The following YEATS2 variants were observed in gnomAD, a reference collection of about 807,000 sequenced individuals.
YEATS2 encodes YEATS domain-containing protein 2.
In YEATS2, 77 loss-of-function variants were observed where a neutral mutation model predicts 163.2. That is an observed-to-expected ratio of 0.47 (90% CI 0.39 to 0.57). YEATS2 has a LOEUF of 0.57. Among genes scored for constraint, YEATS2 ranks in the 20% least tolerant of loss-of-function variants. The pLI is 0.00. For synonymous variants in YEATS2, 631 were observed against 645.1 expected, an observed-to-expected ratio of 0.98 and a Z score of 0.33; for missense variants, 1,549 against 1,729.8, an observed-to-expected ratio of 0.90 and a Z score of 1.85.
chr3:183,718,920 C>T (rs1009303250), intron 4 of YEATS2, among the ~76,000 whole-genome samples: 3 of 152,040 alleles, frequency 2.0e-5, no homozygotes, highest in African/African-American at 7.2e-5. Context: ...TTCTTGAACT[C>T]CTGACCTCAG....
At chr3:183,777,454 G>A in intron 18 of YEATS2, 88 bp from the exon 19 acceptor site, 14 of 1,365,134 alleles carry the variant, frequency 1.0e-5, no homozygotes, top group Non-Finnish European at 1.4e-5. Context: ...TTGTAACATG[G>A]GACGTTACAT....
chr3:183,733,900 G>T (rs553012420), intron 7 of YEATS2, among the ~76,000 whole-genome samples: 2 of 152,056 alleles, frequency 1.3e-5, no homozygotes, highest in African/African-American at 2.4e-5. Context: ...GGCTCAGGGC[G>T]TGATAAAGGG....
At chr3:183,803,215 T>A (rs776804567) in intron 25 of YEATS2, 41 bp from the exon 26 acceptor site, 2 of 1,600,474 alleles carry the variant, frequency 1.2e-6, no homozygotes, top group South Asian at 2.2e-5. Flanking sequence ...GTTGGAATCG[T>A]AAGAGCTTTA....
Position 183,722,795 on chromosome 3 carries a change from G to A in YEATS2, c.537+659G>A, listed in dbSNP as rs563147090. Among the ~76,000 whole-genome samples, 6 of 152,246 alleles carry A rather than the reference G, an allele frequency of 3.9e-5. No individual in the cohort carries two copies. In the East Asian group the frequency reaches 9.7e-4, roughly 25 times the overall value. On this transcript the variant is annotated intron_variant, in intron 5 of 30. Transcript: ENST00000305135. ...AGCCTCCCAAGTAGCTGGGATTAGA[G>A]GCATGTGCTACCACGCCTGGCTAAT...
rs1720514205 is a variant in YEATS2 at position 183,754,509 on chromosome 3, G to A, written c.1390+144G>A. The A allele has an allele frequency of 2.6e-6, 3 of 1,173,996 alleles. No homozygotes were observed. The African/African-American group carries it at 4.7e-5, about 18-fold the overall frequency. The allele number at this position is 1,173,996 out of a possible 1,614,324, so 72.7% of individuals were successfully genotyped here. On this transcript the variant is annotated intron_variant, in intron 11 of 30. Coordinates refer to ENST00000305135, the MANE Select transcript of YEATS2 (RefSeq NM_018023.5). ...TAACAAAAGGAAGTTTATCACTGTT[G>A]ATTGGCAAAGCTGTCACAAGGCAAA...
chr3:183,804,008 C>T lies in YEATS2; in HGVS notation c.3604C>T (p.Arg1202Ter). 6.2e-7 allele frequency: 1 copy of T among 1,613,948 alleles called. No homozygotes were observed. Among genetic ancestry groups the T allele is most frequent in the Non-Finnish European group, 8.5e-7 (1 of 1,179,994 alleles). ...TAAGTGGCAAAGAGCAATGACAATG[C>T]GAAAAGTCTTACAAGAAATCCTGGA... The part of the protein sequence containing the change: ...AAEWQRAMTM[R>*]KVLQEILEKN... The change falls in exon 27 of 31, where the codon CGA becomes TGA. Residue 1202 changes from arginine to a stop codon, truncating the protein, a stop_gained. Transcript: ENST00000305135. LOFTEE classifies it high-confidence loss of function.
chr3:183,765,165 G>A (rs1008837508), intron 15 of YEATS2, among the ~76,000 whole-genome samples: 25 of 152,254 alleles, frequency 1.6e-4, no homozygotes, highest in Non-Finnish European at 3.1e-4. Flanking sequence ...AAATCCCTTA[G>A]TAAATCAGTT....
At chr3:183,725,256 C>T (rs75690791) in intron 6 of YEATS2, among the ~76,000 whole-genome samples, 2,456 of 152,006 alleles carry the variant, frequency 0.016, 78 homozygotes, top group East Asian at 0.14. Context: ...TATAATAACC[C>T]CTACCCTTGC....
At chr3:183,807,908 AT>A in intron 28 of YEATS2, 121 bp from the exon 29 acceptor site, 1 of 689,026 alleles carries the variant, frequency 1.5e-6, no homozygotes, top group Non-Finnish European at 2.5e-6. Context: ...TTTGCCCAAT[AT>A]GTTTGCAGAG....
chr3:183,744,352 G>C (rs894114214), intron 8 of YEATS2, among the ~76,000 whole-genome samples: 2 of 151,562 alleles, frequency 1.3e-5, no homozygotes, highest in Admixed American at 1.3e-4. Flanking sequence ...CCTGACCTCA[G>C]GTGATCCACC....
At chr3:183,721,660 C>T (rs1167673537) in intron 4 of YEATS2, among the ~76,000 whole-genome samples, 1 of 152,190 alleles carries the variant, frequency 6.6e-6, no homozygotes, top group African/African-American at 2.4e-5. Flanking sequence ...GAAGACCCTA[C>T]ATCTCTAGCT....
In YEATS2 at chr3:183,811,305, G is replaced by C. The variant is rs921537799; in HGVS notation, c.*722G>C. The C allele has an allele frequency of 9.2e-5, 14 of 152,680 alleles. No homozygotes were observed. Among genetic ancestry groups the C allele is most frequent in the African/African-American group, 3.4e-4 (14 of 41,470 alleles). 9.5% of individuals were successfully genotyped at this position (152,680 alleles called of 1,614,324 possible). On this transcript the variant is annotated 3_prime_UTR_variant, in exon 31 of 31. Transcript: ENST00000305135. Reference sequence around the variant, plus strand: ...AAACTCACTATGCTAGGAATAGACTGTGTGCACCAGTCCCAGACACTTGGC... The same window carrying C: ...AAACTCACTATGCTAGGAATAGACTCTGTGCACCAGTCCCAGACACTTGGC...
chr3:183,707,855 T>C (rs1370248941), intron 1 of YEATS2, among the ~76,000 whole-genome samples: 1 of 151,922 alleles, frequency 6.6e-6, no homozygotes, highest in Non-Finnish European at 1.5e-5. Flanking sequence ...TTTGTATTTT[T>C]GGTAGAGACG....
chr3:183,770,915 C>T (rs947429839), intron 15 of YEATS2, among the ~76,000 whole-genome samples: 2 of 152,162 alleles, frequency 1.3e-5, no homozygotes, highest in East Asian at 1.9e-4. Context: ...TATCTGTAGA[C>T]GTTAAGAATG....
intron 15 of YEATS2, among the ~76,000 whole-genome samples, chr3:183,771,699 T>A (rs1722492330): frequency 1.3e-5 from 2 of 149,250 alleles, no homozygotes; most frequent in Non-Finnish European, 3.0e-5. Context: ...ACTACAGATG[T>A]GTGCCACTGT....
intron 15 of YEATS2, among the ~76,000 whole-genome samples, chr3:183,770,817 A>G (rs1722381913): frequency 1.3e-5 from 2 of 152,294 alleles, no homozygotes; most frequent in Middle Eastern, 3.4e-3. Flanking sequence ...GTTTACACTA[A>G]TATATCACTA....
chr3:183,768,798 C>T (rs1031443228), intron 15 of YEATS2, among the ~76,000 whole-genome samples: 1 of 152,114 alleles, frequency 6.6e-6, no homozygotes, highest in African/African-American at 2.4e-5. Flanking sequence ...CATGGAGAAA[C>T]CCCGTCTCTA....
At chr3:183,715,324 C>G (rs1167565275) in intron 2 of YEATS2, 62 bp downstream of exon 2, 12 of 1,220,692 alleles carry the variant, frequency 9.8e-6, no homozygotes, top group Non-Finnish European at 1.4e-5. Flanking sequence ...AGAAAACTTA[C>G]AGGAACTAGA....
At chr3:183,713,627 G>T (rs1212420207) in intron 1 of YEATS2, among the ~76,000 whole-genome samples, 1 of 152,200 alleles carries the variant, frequency 6.6e-6, no homozygotes, top group African/African-American at 2.4e-5. Context: ...CGTGGCTCAT[G>T]TTATATTTTT....
Sources: allele counts gnomAD v4.1 joint callset (sites outside exome capture counted in the v4.1 genomes callset), GRCh38; gene constraint gnomAD v4.1.1; transcripts MANE v1.5; gene names NCBI Gene and HGNC (gene_info 2026-07-23, HGNC 2026-07-21).